The following CWC22 variants were observed in gnomAD, a reference collection of about 807,000 sequenced individuals.
The protein encoded by CWC22 is CWC22 spliceosome associated protein, also known as pre-mRNA-splicing factor CWC22 homolog.
A neutral mutation model predicts 117.2 loss-of-function variants in CWC22; 53 were observed. The ratio of observed to expected loss-of-function variants is 0.45; its 90% confidence interval spans 0.36 to 0.57. CWC22 has a LOEUF of 0.57. Ranked by LOEUF, CWC22 falls within the 20% of genes least tolerant of loss-of-function variation. CWC22 has a pLI of 0.00. For missense variants in CWC22, 980 were observed against 1,068.8 expected (o/e 0.92, Z 1.16); for synonymous variants, 360 against 355.6 (o/e 1.01, Z -0.14).
At chr2:179,990,565 AGAG>A (rs1687537159) in intron 2 of CWC22, among the ~76,000 whole-genome samples, 1 of 151,938 alleles carries the variant, frequency 6.6e-6, no homozygotes, top group South Asian at 2.1e-4. Flanking sequence ...AGAGAGAGAG[AGAG>A]AGAGAGAGAG....
chr2:179,952,612 T>A lies in CWC22; in HGVS notation c.1690-14A>T, dbSNP rs1156941697. On this transcript the variant is annotated splice_polypyrimidine_tract_variant and intron_variant, in intron 16 of 19. Transcript: ENST00000410053. ...ACATTCAAGAACCTGAAAATTAAAA[T>A]AAAAAAAGACAAGTATATTTTAATT... 7.4e-7 allele frequency: 1 copy of A among 1,342,738 alleles called. No homozygotes were observed. The highest frequency in any genetic ancestry group is 2.7e-5 in the Admixed American group (1 of 36,754). 83.2% of individuals were successfully genotyped at this position (1,342,738 alleles called of 1,614,324 possible).
intron 1 of CWC22, among the ~76,000 whole-genome samples, chr2:180,000,672 A>G (rs1687824650): frequency 6.6e-6 from 1 of 152,246 alleles, no homozygotes; most frequent in South Asian, 2.1e-4. Flanking sequence ...AGGTTCAAGT[A>G]CAGGGCTAGA....
Position 179,981,925 on chromosome 2 carries a change from A to T in CWC22, c.279T>A (p.Ser93=). The T allele has an allele frequency of 6.3e-7, 1 of 1,586,378 alleles. No homozygotes were observed. Among genetic ancestry groups the T allele is most frequent in the Non-Finnish European group, 8.6e-7 (1 of 1,164,872 alleles). ...ATGTTTCTGGGTTTCTCCTCCCAGG[A>T]GATGGGGATTTCCGAGACCTTTTCC... ...TDRKRSRKSP[S]PGRRNPETSV... The change falls in exon 5 of 20, where the codon TCT becomes TCA. Residue 93 remains serine, a synonymous_variant. Transcript: ENST00000410053.
intron 4 of CWC22, among the ~76,000 whole-genome samples, chr2:179,986,156 A>G (rs1441584839): frequency 6.6e-6 from 1 of 152,098 alleles, no homozygotes; most frequent in Non-Finnish European, 1.5e-5. Flanking sequence ...GAAATATTGC[A>G]AGTCTTGTTA....
At chr2:179,979,866 A>G (rs539937569) in intron 5 of CWC22, among the ~76,000 whole-genome samples, 1 of 152,234 alleles carries the variant, frequency 6.6e-6, no homozygotes, top group Non-Finnish European at 1.5e-5. Context: ...TCAAACGGCT[A>G]CATCAAATAC....
chr2:179,969,567 A>C (rs916968043), intron 11 of CWC22, among the ~76,000 whole-genome samples: 37 of 152,230 alleles, frequency 2.4e-4, no homozygotes, highest in African/African-American at 8.9e-4. Flanking sequence ...AAAAGCAAAC[A>C]AATGACAAAA....
At chr2:179,988,218 A>G (rs1687470675) in intron 3 of CWC22, among the ~76,000 whole-genome samples, 1 of 152,224 alleles carries the variant, frequency 6.6e-6, no homozygotes. Context: ...AAATATTTTA[A>G]AGACAATACA....
intron 5 of CWC22, among the ~76,000 whole-genome samples, chr2:179,979,044 A>T (rs923041139): frequency 2.0e-5 from 3 of 152,130 alleles, no homozygotes; most frequent in Non-Finnish European, 4.4e-5. Flanking sequence ...AATGCTCTAC[A>T]GTTCTATGGG....
intron 1 of CWC22, among the ~76,000 whole-genome samples, chr2:179,997,759 T>C (rs568471484): frequency 6.6e-6 from 1 of 152,294 alleles, no homozygotes; most frequent in East Asian, 1.9e-4. Context: ...AGGCACTGGA[T>C]AGGCAGCAAT....
chr2:180,007,174 G>C lies in CWC22; in HGVS notation c.-421C>G, dbSNP rs953951861. The C allele has an allele frequency of 1.3e-5, 2 of 152,182 alleles. No homozygotes were observed. The highest frequency in any genetic ancestry group is 2.9e-5 in the Non-Finnish European group (2 of 68,032). 9.4% of individuals were successfully genotyped at this position (152,182 alleles called of 1,614,324 possible). A position where few individuals can be genotyped will look rare whatever the true frequency, so the allele number is the denominator to read the frequency against. The stretch of plus-strand genomic sequence containing the variant: ...ATAGTGAAATATTTAAAAACTTGAC[G>C]CTCAATTGGCTTGACACGTTATCCC... On this transcript the variant is annotated 5_prime_UTR_variant, in exon 1 of 20. Coordinates refer to ENST00000410053, the MANE Select transcript of CWC22 (RefSeq NM_020943.3).
chr2:179,965,076 CT>C (rs35749425), intron 12 of CWC22, among the ~76,000 whole-genome samples: 22,146 of 150,662 alleles, frequency 0.15, 1,991 homozygotes, highest in Admixed American at 0.29. Context: ...AAAATTTTCT[CT>C]TATTTAATGC....
chr2:179,966,206 A>C (rs1686886697), intron 11 of CWC22, among the ~76,000 whole-genome samples: 1 of 152,234 alleles, frequency 6.6e-6, no homozygotes, highest in Non-Finnish European at 1.5e-5. Flanking sequence ...GCCACATAAA[A>C]AGTGTCCATG....
chr2:179,982,010 T>A lies in CWC22; in HGVS notation c.207-13A>T, dbSNP rs1263623957. On this transcript the variant is annotated splice_polypyrimidine_tract_variant and intron_variant, in intron 4 of 19. Coordinates refer to ENST00000410053, the MANE Select transcript of CWC22 (RefSeq NM_020943.3). ...TCGGTCCCTGTTTCTGTAATATAAA[T>A]TTTTTGAAGAGCAGAAAAGACAATA... The A allele has an allele frequency of 2.1e-6, 3 of 1,434,062 alleles. No individual in the cohort carries two copies. The highest frequency in any genetic ancestry group is 1.4e-5 in the African/African-American group (1 of 69,838). 88.8% of individuals were successfully genotyped at this position (1,434,062 alleles called of 1,614,324 possible).
intron 4 of CWC22, among the ~76,000 whole-genome samples, chr2:179,983,697 G>C (rs1687342338): frequency 6.6e-6 from 1 of 152,056 alleles, no homozygotes; most frequent in Admixed American, 6.6e-5. Flanking sequence ...ATGACTCCTA[G>C]GGAGGATAGA....
chr2:179,954,196 T>C lies in CWC22; in HGVS notation c.1689+9A>G, dbSNP rs1487019094. The C allele has an allele frequency of 1.5e-5, 24 of 1,596,610 alleles. No homozygotes were observed. The highest frequency in any genetic ancestry group is 2.1e-5 in the Non-Finnish European group (24 of 1,167,762). ...GGAAGGAAGTATAAATATTGACCCA[T>C]GTACTTACACTCCATGGAAGTGAAT... On this transcript the variant is annotated intron_variant, in intron 16 of 19. Transcript: ENST00000410053.
At chr2:180,006,442 T>C (rs913997524) in intron 1 of CWC22, among the ~76,000 whole-genome samples, 3 of 152,176 alleles carry the variant, frequency 2.0e-5, no homozygotes, top group African/African-American at 7.2e-5. Flanking sequence ...GTTCAAGTTA[T>C]GGAAGGATCA....
chr2:179,987,198 C>T (rs1367422183), intron 3 of CWC22, among the ~76,000 whole-genome samples: 2 of 152,162 alleles, frequency 1.3e-5, no homozygotes, highest in African/African-American at 4.8e-5. Context: ...ATTGGCTGGC[C>T]TCCATAAGGA....
chr2:179,982,507 T>C (rs1398784167), intron 4 of CWC22, among the ~76,000 whole-genome samples: 4 of 152,198 alleles, frequency 2.6e-5, no homozygotes, highest in Non-Finnish European at 4.4e-5. Context: ...TGACAAATTG[T>C]ATAAAGGAGA....
chr2:179,965,833 T>C, intron 12 of CWC22, 45 bp downstream of exon 12: 1 of 1,295,424 alleles, frequency 7.7e-7, no homozygotes, highest in Non-Finnish European at 1.1e-6. Context: ...TTAGAATTAA[T>C]TTTAGAGTAT....
Sources: gnomAD v4.1 joint callset for allele counts (sites outside exome capture counted in the v4.1 genomes callset) on GRCh38, gnomAD v4.1.1 for gene constraint, MANE v1.5 for transcripts, NCBI Gene and HGNC (gene_info 2026-07-23, HGNC 2026-07-21) for gene names.